The following CD300E variants were observed in gnomAD, a reference collection of about 807,000 sequenced individuals.
CD300E encodes the protein CMRF35-like molecule 2.
CD300E carries 14 observed loss-of-function variants against 20.9 expected under a neutral mutation model. That is an observed-to-expected ratio of 0.67 (90% CI 0.44 to 1.05). The LOEUF (loss-of-function observed/expected upper bound fraction) is 1.05, where lower values mean the gene tolerates loss of function less well. CD300E is among the 50% of genes least tolerant of loss of function. The probability of loss-of-function intolerance (pLI) is 0.00; values close to 1 mark genes in which losing one functional copy is unlikely to be tolerated. For synonymous variants in CD300E, 102 were observed against 103.7 expected (o/e 0.98, Z 0.10); for missense variants, 237 against 253.9 (o/e 0.93, Z 0.45).
In CD300E at chr17:74,617,140, C is replaced by G; in HGVS notation, c.366G>C (p.Leu122=). 1 of 1,614,210 alleles carries G rather than the reference C, an allele frequency of 6.2e-7. No individual in the cohort carries two copies. Residue 122 remains leucine, a synonymous_variant, in exon 2 of 4, where the codon CTG becomes CTC. Transcript: ENST00000392619. ...TACCTGGGGAAACATACACCCTAAC[C>G]AGGTCCGAGGGATCGCGTGACCATG... ...LDSWSRDPSD[L]VRVYVSPAIT...
At chr17:74,612,796 G>A (rs1368497631) in intron 3 of CD300E, 23 bp from the exon 4 acceptor site, 2 of 1,612,572 alleles carry the variant, frequency 1.2e-6, no homozygotes, top group African/African-American at 2.7e-5. Context: ...CGGTGAAAAT[G>A]AGTCACTTCC....
At position 74,617,184 on chromosome 17, in the gene CD300E, T is replaced by C; in HGVS notation, c.322A>G (p.Thr108Ala). ...DAGSYWCKIQ[T>A]VWVLDSWSRD... ...GACCATGAATCCAGGACCCACACTG[T>C]CTGAATTTTGCACCAGTAAGATCCA... Residue 108 changes from threonine (T) to alanine (A), a missense_variant, in exon 2 of 4, where the codon ACA (threonine) becomes GCA (alanine). Physicochemically the swap from Thr to Ala is moderately conservative, Grantham distance 58 (BLOSUM62 0). Coordinates refer to ENST00000392619, the MANE Select transcript of CD300E (RefSeq NM_181449.3). 6.2e-7 allele frequency: 1 copy of C among 1,614,148 alleles called. No individual in the cohort carries two copies. Among genetic ancestry groups the C allele is most frequent in the Non-Finnish European group, 8.5e-7 (1 of 1,180,030 alleles).
At position 74,612,409 on chromosome 17, in the gene CD300E, G is replaced by T; in HGVS notation, c.*244C>A. The stretch of plus-strand genomic sequence containing the variant: ...CCCGGCCAACTTCCAGGGAATTCTT[G>T]CCCTTGGGAAGTGGGCATGAGGGCA... On this transcript the variant is annotated 3_prime_UTR_variant, in exon 4 of 4. Transcript: ENST00000392619. 1 of 342,922 alleles carries T rather than the reference G, an allele frequency of 2.9e-6. No homozygotes were observed. 21.2% of individuals were successfully genotyped at this position (342,922 alleles called of 1,614,324 possible).
chr17:74,623,106 A>C (rs1568036795), intron 1 of CD300E, among the ~76,000 whole-genome samples: 1 of 152,230 alleles, frequency 6.6e-6, no homozygotes. Flanking sequence ...AACTATTGTT[A>C]ATTCTTGAAC....
chr17:74,623,529 C>T (rs1178737808), intron 1 of CD300E, 53 bp downstream of exon 1: 31 of 1,582,054 alleles, frequency 2.0e-5, no homozygotes, highest in Non-Finnish European at 2.5e-5. Context: ...GCTCTTCTAC[C>T]TACTGTCCTG....
At position 74,617,372 on chromosome 17, in the gene CD300E, T is replaced by C. The variant is rs111586778; in HGVS notation, c.134A>G (p.Tyr45Cys). Residue 45 changes from tyrosine (Y) to cysteine (C), a missense_variant, in exon 2 of 4, where the codon TAT (tyrosine) becomes TGT (cysteine). Coordinates refer to ENST00000392619, the MANE Select transcript of CD300E (RefSeq NM_181449.3). ...WCQYESMYKG[Y>C]NKYWCRGQYD... ...CTGTCCTCGGCACCAGTACTTGTTA[T>C]ATCCCTTGTACATGCTCTCATACTG... is the stretch of plus-strand genomic sequence containing the variant. The C allele has an allele frequency of 6.2e-7, 1 of 1,614,080 alleles. No homozygotes were observed. Among genetic ancestry groups the C allele is most frequent in the Admixed American group, 1.7e-5 (1 of 60,002 alleles).
intron 1 of CD300E, among the ~76,000 whole-genome samples, chr17:74,619,776 T>TG (rs944206045): frequency 3.9e-5 from 6 of 152,144 alleles, no homozygotes; most frequent in African/African-American, 9.7e-5. Context: ...TCTCCAGGTT[T>TG]GGGGGGTCTT....
intron 1 of CD300E, among the ~76,000 whole-genome samples, chr17:74,620,403 G>A (rs1054765875): frequency 2.6e-5 from 4 of 152,012 alleles, no homozygotes; most frequent in African/African-American, 4.8e-5. Context: ...CCTGGGAGGC[G>A]GAGGTTGCAG....
At chr17:74,613,893 C>T in intron 3 of CD300E, 32 bp downstream of exon 3, 1 of 1,525,384 alleles carries the variant, frequency 6.6e-7, no homozygotes, top group Non-Finnish European at 9.0e-7. Flanking sequence ...CAGGGTTGCT[C>T]CCTCCATGGC....
rs372161837 is a variant in CD300E at position 74,610,955 on chromosome 17, CT to C, written c.*1697del. The C allele has an allele frequency of 6.6e-5, 10 of 152,518 alleles. No individual in the cohort carries two copies. Among genetic ancestry groups the C allele is most frequent in the African/African-American group, 2.4e-4 (10 of 41,528 alleles). 9.4% of individuals were successfully genotyped at this position (152,518 alleles called of 1,614,324 possible). On this transcript the variant is annotated 3_prime_UTR_variant, in exon 4 of 4. Coordinates refer to ENST00000392619, the MANE Select transcript of CD300E (RefSeq NM_181449.3). ...TCCCTGCTCCGCTGAAATCCTATACCTCCTTCAACATCAACATGAATGTCAC... is the reference window on the plus strand; with the variant it reads ...TCCCTGCTCCGCTGAAATCCTATACCCCTTCAACATCAACATGAATGTCAC...
At chr17:74,619,818 C>A (rs1048345708) in intron 1 of CD300E, among the ~76,000 whole-genome samples, 7 of 152,148 alleles carry the variant, frequency 4.6e-5, no homozygotes, top group African/African-American at 1.7e-4. Flanking sequence ...CTTTTCAAGC[C>A]ATTCTAAGCC....
chr17:74,618,310 T>G (rs1303485056), intron 1 of CD300E, among the ~76,000 whole-genome samples: 1 of 152,310 alleles, frequency 6.6e-6, no homozygotes, highest in East Asian at 1.9e-4. Flanking sequence ...GACAAGAGGC[T>G]TTGTTTGAAC....
chr17:74,615,130 A>G (rs1175273516), intron 2 of CD300E, among the ~76,000 whole-genome samples: 1 of 152,240 alleles, frequency 6.6e-6, no homozygotes, highest in Non-Finnish European at 1.5e-5. Context: ...AGCAGGTGCA[A>G]TGGGAGCACA....
intron 2 of CD300E, among the ~76,000 whole-genome samples, chr17:74,616,113 T>A (rs541504329): frequency 1.6e-3 from 237 of 151,996 alleles, no homozygotes; most frequent in African/African-American, 5.5e-3. Context: ...TGTGATCTAT[T>A]GCAGGGGCTC....
intron 1 of CD300E, chr17:74,619,471 G>A (rs572873998): frequency 1.4e-4 from 27 of 187,616 alleles, no homozygotes; most frequent in East Asian, 3.3e-4. Flanking sequence ...CCTCAATTGC[G>A]TAAGAGCTGG....
At chr17:74,623,491 A>G in intron 1 of CD300E, 91 bp downstream of exon 1, 1 of 1,236,444 alleles carries the variant, frequency 8.1e-7, no homozygotes, top group South Asian at 1.3e-5. Context: ...TTCTGTGGAC[A>G]CTTCACCTCT....
chr17:74,616,720 G>A (rs946696077), intron 2 of CD300E, among the ~76,000 whole-genome samples: 4 of 152,128 alleles, frequency 2.6e-5, no homozygotes, highest in Non-Finnish European at 5.9e-5. Flanking sequence ...TAAACAGGAA[G>A]GTCTTCCCAA....
chr17:74,612,500 G>C lies in CD300E; in HGVS notation c.*153C>G. On this transcript the variant is annotated 3_prime_UTR_variant, in exon 4 of 4. Coordinates refer to ENST00000392619, the MANE Select transcript of CD300E (RefSeq NM_181449.3). Reference sequence around the variant, plus strand: ...GCTGCACATTGAGGACTCCAGAGGAGTGTCCTCTAAGAGCCAGGACCCTCC... The same window carrying C: ...GCTGCACATTGAGGACTCCAGAGGACTGTCCTCTAAGAGCCAGGACCCTCC... 9.6e-7 allele frequency: 1 copy of C among 1,039,360 alleles called. No homozygotes were observed. Among genetic ancestry groups the C allele is most frequent in the Non-Finnish European group, 1.4e-6 (1 of 720,598 alleles). The allele number at this position is 1,039,360 out of a possible 1,614,324, so 64.4% of individuals were successfully genotyped here. A position where few individuals can be genotyped will look rare whatever the true frequency, so the allele number is the denominator to read the frequency against.
At position 74,621,726 on chromosome 17, in the gene CD300E, T is replaced by C. The variant is rs116360632; in HGVS notation, c.40+1856A>G. Among the ~76,000 whole-genome samples, 1,493 of 152,326 alleles carry C rather than the reference T, an allele frequency of 9.8e-3. 19 individuals carry two copies. Among genetic ancestry groups the C allele is most frequent in the African/African-American group, 0.034 (1,403 of 41,576 alleles). ...GTTAGCCTTATTCTTGACACCTCCA[T>C]GGCCAATGGAAAGAGCTCTGTGGAG... On this transcript the variant is annotated intron_variant, in intron 1 of 3. Transcript: ENST00000392619.
Sources: gnomAD v4.1 joint callset for allele counts (sites outside exome capture counted in the v4.1 genomes callset) on GRCh38, gnomAD v4.1.1 for gene constraint, MANE v1.5 for transcripts, NCBI Gene and HGNC (gene_info 2026-07-23, HGNC 2026-07-21) for gene names.